The following GPC6 variants were observed in gnomAD, a reference collection of about 807,000 sequenced individuals.
The protein encoded by GPC6 is glypican-6.
In GPC6, 14 loss-of-function variants were observed where a neutral mutation model predicts 55.2. That is an observed-to-expected ratio of 0.25 (90% confidence interval 0.17 to 0.40). The LOEUF (loss-of-function observed/expected upper bound fraction) is 0.40, where lower values mean the gene tolerates loss of function less well. Among genes scored for constraint, GPC6 ranks in the 10% least tolerant of loss-of-function variants. The probability of loss-of-function intolerance (pLI) is 1.00; values close to 1 mark genes in which losing one functional copy is unlikely to be tolerated. For synonymous variants in GPC6, 278 were observed against 259.6 expected, an observed-to-expected ratio of 1.07 and a Z score of -0.68; for missense variants, 641 against 708.5, an observed-to-expected ratio of 0.90 and a Z score of 1.08.
intron 1 of GPC6, among the ~76,000 whole-genome samples, chr13:93,535,384 A>G (rs538076523): frequency 6.6e-6 from 1 of 152,130 alleles, no homozygotes; most frequent in South Asian, 2.1e-4. Flanking sequence ...ATGGAGTTGG[A>G]TTCTTCATAC....
Position 93,322,591 on chromosome 13 carries a change from C to T in GPC6, c.160+94975C>T, listed in dbSNP as rs370716926. Among the ~76,000 whole-genome samples, 4 of 151,804 alleles carry T rather than the reference C, an allele frequency of 2.6e-5. No individual in the cohort carries two copies. In the South Asian group the frequency reaches 8.4e-4, roughly 32 times the overall value. On this transcript the variant is annotated intron_variant, in intron 1 of 8. Transcript: ENST00000377047. The stretch of plus-strand genomic sequence containing the variant: ...AGCTGGGATTACAGGTGCCCGCCAC[C>T]ATGCCCAGCTAATTTTTTTTGTATT...
chr13:94,157,573 A>G (rs1206258497), intron 4 of GPC6, among the ~76,000 whole-genome samples: 1 of 152,196 alleles, frequency 6.6e-6, no homozygotes, highest in Non-Finnish European at 1.5e-5. Flanking sequence ...AGAGGTATAA[A>G]GGAAACCAGG....
intron 4 of GPC6, among the ~76,000 whole-genome samples, chr13:94,148,066 G>C (rs917423067): frequency 1.3e-5 from 2 of 152,164 alleles, no homozygotes; most frequent in African/African-American, 4.8e-5. Flanking sequence ...TATATTGCCA[G>C]CTACCCTGCT....
intron 4 of GPC6, among the ~76,000 whole-genome samples, chr13:94,184,939 T>TACCATGAAATATTATGCA (rs1889118969): frequency 6.6e-6 from 1 of 152,158 alleles, no homozygotes; most frequent in African/African-American, 2.4e-5. Flanking sequence ...GGTACATATA[T>TACCATGAAATATTATGCA]ACCATGAAAT....
chr13:94,154,376 T>A (rs1887852448), intron 4 of GPC6: 1 of 152,164 alleles, frequency 6.6e-6, no homozygotes, highest in African/African-American at 2.4e-5. Flanking sequence ...TCCTTCACAT[T>A]TACATGGCAA....
At chr13:93,360,525 T>C (rs761594808) in intron 1 of GPC6, among the ~76,000 whole-genome samples, 3 of 152,160 alleles carry the variant, frequency 2.0e-5, no homozygotes, top group Non-Finnish European at 2.9e-5. Flanking sequence ...AATAATATCA[T>C]GGATTTATGA....
In GPC6 at chr13:93,632,442, C is replaced by A. The variant is rs149583817; in HGVS notation, c.319+87021C>A. On this transcript the variant is annotated intron_variant, in intron 2 of 8. Transcript: ENST00000377047. The stretch of plus-strand genomic sequence containing the variant: ...CTGAGCAACATGGCGAAATTCATCT[C>A]TACAAAAAATACAAAAATTAGCCCA... Among the ~76,000 whole-genome samples, 109 of 151,854 alleles carry A rather than the reference C, an allele frequency of 7.2e-4. 1 individual carries two copies. Among genetic ancestry groups the A allele is most frequent in the African/African-American group, 2.4e-3 (100 of 41,458 alleles).
At chr13:93,794,408 G>A (rs902676668) in intron 2 of GPC6, among the ~76,000 whole-genome samples, 1 of 152,136 alleles carries the variant, frequency 6.6e-6, no homozygotes, top group Non-Finnish European at 1.5e-5. Flanking sequence ...ACACCCTGTG[G>A]GTGATTCTGA....
chr13:93,326,667 C>T (rs1387654426), intron 1 of GPC6, among the ~76,000 whole-genome samples: 1 of 152,100 alleles, frequency 6.6e-6, no homozygotes, highest in African/African-American at 2.4e-5. Flanking sequence ...ATTTTGTTGA[C>T]TTTGCTTGTG....
At chr13:94,033,211 G>T (rs1002390388) in intron 4 of GPC6, among the ~76,000 whole-genome samples, 2 of 152,172 alleles carry the variant, frequency 1.3e-5, no homozygotes, top group Non-Finnish European at 2.9e-5. Flanking sequence ...TATCCCTGTT[G>T]TTAATGGACT....
At chr13:93,663,195 A>T (rs1421755406) in intron 2 of GPC6, among the ~76,000 whole-genome samples, 1 of 151,960 alleles carries the variant, frequency 6.6e-6, no homozygotes, top group Non-Finnish European at 1.5e-5. Context: ...ACTTATTATA[A>T]TTTTTTTTCC....
intron 3 of GPC6, among the ~76,000 whole-genome samples, chr13:93,916,004 T>A (rs1877269771): frequency 6.6e-6 from 1 of 152,040 alleles, no homozygotes; most frequent in Non-Finnish European, 1.5e-5. Context: ...CTCACTGCTG[T>A]CTTCTGTGGA....
intron 3 of GPC6, among the ~76,000 whole-genome samples, chr13:93,843,225 A>C (rs9524254): frequency 2.0e-5 from 3 of 151,770 alleles, no homozygotes; most frequent in Non-Finnish European, 4.4e-5. Context: ...CAGTTGGCTC[A>C]CATCGTTTGT....
intron 4 of GPC6, among the ~76,000 whole-genome samples, chr13:94,117,131 A>G (rs1886463642): frequency 6.6e-6 from 1 of 152,098 alleles, no homozygotes; most frequent in African/African-American, 2.4e-5. Flanking sequence ...GGTATCCAAC[A>G]TAGCTGCACA....
intron 4 of GPC6, among the ~76,000 whole-genome samples, chr13:94,033,036 G>T (rs1436756134): frequency 6.6e-6 from 1 of 152,182 alleles, no homozygotes; most frequent in East Asian, 1.9e-4. Context: ...GCCCCTGTTA[G>T]AGAACAGAAT....
At chr13:93,262,304 A>T (rs1877179847) in intron 1 of GPC6, among the ~76,000 whole-genome samples, 1 of 152,244 alleles carries the variant, frequency 6.6e-6, no homozygotes. Context: ...CCCGAAAAAA[A>T]AAGTGAGCTG....
chr13:94,310,881 T>C (rs1373123881), intron 6 of GPC6, among the ~76,000 whole-genome samples: 1 of 152,198 alleles, frequency 6.6e-6, no homozygotes, highest in Non-Finnish European at 1.5e-5. Flanking sequence ...AGCTCTTCCC[T>C]GTTAGAATAT....
chr13:94,357,287 G>C (rs1878845272), intron 6 of GPC6, among the ~76,000 whole-genome samples: 1 of 152,088 alleles, frequency 6.6e-6, no homozygotes, highest in Admixed American at 6.5e-5. Flanking sequence ...GTCCACATGA[G>C]CCTTTCAACA....
intron 3 of GPC6, among the ~76,000 whole-genome samples, chr13:93,842,382 C>CA (rs1329884545): frequency 3.3e-5 from 5 of 152,036 alleles, no homozygotes; most frequent in African/African-American, 9.7e-5. Flanking sequence ...CATAAAATAT[C>CA]AAAAATATCT....
Sources: gnomAD v4.1 joint callset for allele counts (sites outside exome capture counted in the v4.1 genomes callset) on GRCh38, gnomAD v4.1.1 for gene constraint, MANE v1.5 for transcripts, NCBI Gene and HGNC (gene_info 2026-07-23, HGNC 2026-07-21) for gene names.